ERMARD: variants seen among roughly 807,000 people sequenced by gnomAD.
ERMARD encodes the protein ER membrane associated RNA degradation, also known as endoplasmic reticulum membrane-associated RNA degradation protein.
A neutral mutation model predicts 83.9 loss-of-function variants in ERMARD; 71 were observed. The observed-to-expected ratio is 0.85, with a 90% confidence interval of 0.70 to 1.03. ERMARD has a LOEUF of 1.03. ERMARD is among the 50% of genes least tolerant of loss of function. ERMARD has a pLI of 0.00. For synonymous variants in ERMARD, 284 were observed against 298.6 expected (o/e 0.95, Z 0.50); for missense variants, 838 against 810.9 (o/e 1.03, Z -0.41).
At position 169,776,657 on chromosome 6, in the gene ERMARD, C is replaced by G. The variant is rs1189818671; in HGVS notation, c.1723C>G (p.Leu575Val). ...GCGGTCTCGCCAGCGGCAGAACTAC[C>G]TGCGTATGTGGAGTAGGTGCGCGCT... ...TLRSRQRQNY[L>V]RMWSSIRLLS... is the part of the protein sequence containing the mutation. Residue 575 changes from leucine to valine, a missense_variant, in exon 16 of 18, where the codon CTG (leucine) becomes GTG (valine). Physicochemically the swap from Leu to Val is conservative, Grantham distance 32 (BLOSUM62 1). Transcript: ENST00000366773. 2 of 1,613,862 alleles carry G rather than the reference C, an allele frequency of 1.2e-6. No homozygotes were observed. Among genetic ancestry groups the G allele is most frequent in the South Asian group, 1.1e-5 (1 of 91,066 alleles).
chr6:169,752,943 C>G (rs1362750719), intron 1 of ERMARD: 1 of 152,156 alleles, frequency 6.6e-6, no homozygotes, highest in Non-Finnish European at 1.5e-5. Context: ...AAAGTTTATT[C>G]TTGGACAGAG....
At chr6:169,780,487 A>G (rs116371538) in intron 17 of ERMARD, among the ~76,000 whole-genome samples, 1,884 of 152,346 alleles carry the variant, frequency 0.012, 43 homozygotes, top group African/African-American at 0.043. Flanking sequence ...GATGACATTT[A>G]TTGTCATCAG....
chr6:169,756,507 G>A, intron 4 of ERMARD, 68 bp downstream of exon 4: 1 of 1,185,048 alleles, frequency 8.4e-7, no homozygotes, highest in Non-Finnish European at 1.2e-6. Context: ...CTATTTTACA[G>A]TTGTCCTCAG....
At position 169,776,042 on chromosome 6, in the gene ERMARD, C is replaced by T. The variant is rs1188042074; in HGVS notation, c.1497C>T (p.Asp499=). The T allele has an allele frequency of 1.2e-6, 2 of 1,613,812 alleles. No individual in the cohort carries two copies. Among genetic ancestry groups the T allele is most frequent in the Admixed American group, 1.7e-5 (1 of 59,960 alleles). ...HMPENRCVLK[D]LDRLPTETWP... is the part of the protein sequence containing the mutation. ...CTGAGAATCGTTGTGTGTTAAAGGA[C>T]TTGGATCGTCTTCCTACTGAGACGT... The change falls in exon 15 of 18, where the codon GAC becomes GAT. Residue 499 remains aspartate (D), a synonymous_variant. Transcript: ENST00000366773.
chr6:169,780,636 G>A (rs1332874424), intron 17 of ERMARD, among the ~76,000 whole-genome samples: 1 of 152,202 alleles, frequency 6.6e-6, no homozygotes, highest in Non-Finnish European at 1.5e-5. Flanking sequence ...GTGTGAGGAG[G>A]GGGAGGGCAC....
At position 169,758,772 on chromosome 6, in the gene ERMARD, A is replaced by G. The variant is rs6459659; in HGVS notation, c.508-196A>G. Among the ~76,000 whole-genome samples the G allele has an allele frequency of 0.28, 43,208 of 151,954 alleles. 6,849 individuals carry two copies. The highest frequency in any genetic ancestry group is 0.42 in the African/African-American group (17,375 of 41,372). Reference sequence around the variant, plus strand: ...TCCTCATAGGTTGTTCTTAGGATGAATGAGTTGATGTACATGTACAAAATG... The same window carrying G: ...TCCTCATAGGTTGTTCTTAGGATGAGTGAGTTGATGTACATGTACAAAATG... On this transcript the variant is annotated intron_variant, in intron 5 of 17. Coordinates refer to ENST00000366773, the MANE Select transcript of ERMARD (RefSeq NM_018341.3).
intron 12 of ERMARD, among the ~76,000 whole-genome samples, chr6:169,772,787 A>G (rs1315082290): frequency 1.3e-5 from 2 of 151,878 alleles, no homozygotes; most frequent in Non-Finnish European, 2.9e-5. Context: ...AAAAAAAAAA[A>G]AAAAAATTGT....
chr6:169,767,686 AC>A, intron 10 of ERMARD: 1 of 223,464 alleles, frequency 4.5e-6, no homozygotes, highest in Non-Finnish European at 9.0e-6. Flanking sequence ...ACATGCACAC[AC>A]CACACACGAA....
At chr6:169,773,075 A>T in intron 12 of ERMARD, 1 of 418,198 alleles carries the variant, frequency 2.4e-6, no homozygotes, top group Non-Finnish European at 4.2e-6. Context: ...AGTTTTGTGC[A>T]CAGAGGGTGG....
intron 4 of ERMARD, 137 bp downstream of exon 4, chr6:169,756,576 C>T (rs1790844106): frequency 5.2e-6 from 5 of 961,218 alleles, no homozygotes; most frequent in Non-Finnish European, 7.7e-6. Flanking sequence ...TAATATTTCC[C>T]TTTTGAATGA....
intron 8 of ERMARD, among the ~76,000 whole-genome samples, chr6:169,761,390 T>A (rs1415920631): frequency 1.3e-5 from 2 of 152,068 alleles, no homozygotes; most frequent in African/African-American, 4.8e-5. Flanking sequence ...CTAATTTTTG[T>A]ACTTTTTCTA....
intron 5 of ERMARD, 48 bp from the exon 6 acceptor site, chr6:169,758,920 T>TTATTCAGTA: frequency 6.7e-7 from 1 of 1,493,378 alleles, no homozygotes; most frequent in Non-Finnish European, 9.3e-7. Context: ...CTATATTGGT[T>TTATTCAGTA]TATTCAGTAA....
intron 1 of ERMARD, 165 bp downstream of exon 1, chr6:169,751,828 C>G: frequency 9.7e-7 from 1 of 1,026,638 alleles, no homozygotes; most frequent in Non-Finnish European, 1.3e-6. Flanking sequence ...GCCTCTGTGG[C>G]GGTATCGGAC....
intron 11 of ERMARD, among the ~76,000 whole-genome samples, chr6:169,768,550 G>A (rs1307735644): frequency 2.0e-5 from 3 of 152,116 alleles, no homozygotes; most frequent in African/African-American, 7.2e-5. Context: ...AAGGTCAAGA[G>A]TTCAATACCA....
chr6:169,756,628 T>C (rs905843345), intron 4 of ERMARD, 91 bp from the exon 5 acceptor site: 38 of 1,180,088 alleles, frequency 3.2e-5, no homozygotes, highest in Admixed American at 9.3e-5. Flanking sequence ...TTTTCACCCT[T>C]CATTTGTACA....
In ERMARD at chr6:169,779,250, A is replaced by G; in HGVS notation, c.1808A>G (p.His603Arg). Residue 603 changes from histidine (H) to arginine (R), a missense_variant, in exon 17 of 18, where the codon CAT becomes CGT. By Grantham distance (29) the His-to-Arg change is conservative. Transcript: ENST00000366773. ...ATTGCGCTGGAGTTGGTCAACATTCATGCTGTTTGTGGGAAGAATGCGCAT... is the reference window on the plus strand; with the variant it reads ...ATTGCGCTGGAGTTGGTCAACATTCGTGCTGTTTGTGGGAAGAATGCGCAT... ...LLIALELVNI[H>R]AVCGKNAHEY... is the part of the protein sequence containing the mutation. 1 of 1,614,228 alleles carries G rather than the reference A, an allele frequency of 6.2e-7. No individual in the cohort carries two copies. The highest frequency in any genetic ancestry group is 8.5e-7 in the Non-Finnish European group (1 of 1,180,046).
At chr6:169,752,336 G>C (rs1165155803) in intron 1 of ERMARD, among the ~76,000 whole-genome samples, 2 of 152,176 alleles carry the variant, frequency 1.3e-5, no homozygotes, top group Non-Finnish European at 2.9e-5. Flanking sequence ...ATTTCACTTA[G>C]AACTGAGATT....
intron 8 of ERMARD, among the ~76,000 whole-genome samples, chr6:169,762,043 G>A (rs1415249405): frequency 6.6e-6 from 1 of 151,892 alleles, no homozygotes; most frequent in Non-Finnish European, 1.5e-5. Flanking sequence ...TTGATATCTA[G>A]ACTGCAGCAG....
chr6:169,776,011 A>G lies in ERMARD; in HGVS notation c.1466A>G (p.His489Arg). Residue 489 changes from histidine (H) to arginine (R), a missense_variant, in exon 15 of 18, where the codon CAT becomes CGT. By Grantham distance (29) the His-to-Arg change is conservative. Transcript: ENST00000366773. ...ITKMTDELYH[H>R]MPENRCVLKD... The stretch of plus-strand genomic sequence containing the variant: ...AAAATGACGGATGAGCTGTATCACC[A>G]TATGCCTGAGAATCGTTGTGTGTTA... 1.9e-6 allele frequency: 3 copies of G among 1,614,224 alleles called. No individual in the cohort carries two copies. The highest frequency in any genetic ancestry group is 2.5e-6 in the Non-Finnish European group (3 of 1,180,044).
Sources: gnomAD v4.1 joint callset for allele counts (sites outside exome capture counted in the v4.1 genomes callset) on GRCh38, gnomAD v4.1.1 for gene constraint, MANE v1.5 for transcripts, NCBI Gene and HGNC (gene_info 2026-07-23, HGNC 2026-07-21) for gene names.